WWC2: variants seen among roughly 807,000 people sequenced by gnomAD.
WWC2 encodes the protein WW and C2 domain containing 2.
A neutral mutation model predicts 138.5 loss-of-function variants in WWC2; 101 were observed. That is an observed-to-expected ratio of 0.73 (90% CI 0.62 to 0.86). WWC2 has a LOEUF of 0.86. WWC2 is among the 40% of genes least tolerant of loss of function. The pLI is 0.00. For missense variants in WWC2, 1,420 were observed against 1,419.4 expected (o/e 1.00, Z -0.01); for synonymous variants, 558 against 538.4 (o/e 1.04, Z -0.50).
chr4:183,106,313 G>A (rs1743355524), intron 1 of WWC2, among the ~76,000 whole-genome samples: 3 of 152,104 alleles, frequency 2.0e-5, no homozygotes, highest in Non-Finnish European at 4.4e-5. Context: ...GGCACAGTGT[G>A]TATGTAAGTT....
intron 8 of WWC2, among the ~76,000 whole-genome samples, chr4:183,252,891 C>A (rs75630539): frequency 1.4e-3 from 207 of 152,128 alleles, no homozygotes; most frequent in African/African-American, 4.8e-3. Context: ...TGACTCCCTC[C>A]CAGGGTCTTG....
At chr4:183,220,896 T>C (rs1189565924) in intron 4 of WWC2, among the ~76,000 whole-genome samples, 2 of 149,540 alleles carry the variant, frequency 1.3e-5, no homozygotes, top group Non-Finnish European at 3.0e-5. Flanking sequence ...ATGGAACCAT[T>C]AGAAAAAATT....
At chr4:183,282,612 C>A in intron 17 of WWC2, 96 bp from the exon 18 acceptor site, 1 of 1,226,696 alleles carries the variant, frequency 8.2e-7, no homozygotes, top group Non-Finnish European at 1.2e-6. Context: ...TTGTGTGAGT[C>A]TGTTTATTTC....
rs965797109 is a variant in WWC2 at position 183,099,688 on chromosome 4, C to T, written c.131+66C>T. 11 of 1,175,658 alleles carry T rather than the reference C, an allele frequency of 9.4e-6. No individual in the cohort carries two copies. In the African/African-American group the frequency reaches 1.6e-4, roughly 17 times the overall value. The allele number at this position is 1,175,658 out of a possible 1,614,324, so 72.8% of individuals were successfully genotyped here. On this transcript the variant is annotated intron_variant, in intron 1 of 22. Coordinates refer to ENST00000403733, the MANE Select transcript of WWC2 (RefSeq NM_024949.6). The stretch of plus-strand genomic sequence containing the variant: ...GCGGCTGTTGTCCCGGAGACCCGGC[C>T]GCGCGGGGGGCTGGGGCGGCGCCGG...
At chr4:183,146,033 A>G (rs549721179) in intron 1 of WWC2, among the ~76,000 whole-genome samples, 1 of 152,228 alleles carries the variant, frequency 6.6e-6, no homozygotes, top group African/African-American at 2.4e-5. Context: ...TGGGTATCTC[A>G]TATCGATGGT....
At chr4:183,266,018 G>A (rs1737493662) in intron 14 of WWC2, 67 bp downstream of exon 14, 16 of 1,392,454 alleles carry the variant, frequency 1.1e-5, no homozygotes, top group Non-Finnish European at 1.6e-5. Context: ...ATTTTACACT[G>A]TAATCATACA....
intron 5 of WWC2, among the ~76,000 whole-genome samples, chr4:183,244,001 T>G (rs1736694435): frequency 3.3e-5 from 5 of 152,150 alleles, no homozygotes; most frequent in Admixed American, 3.3e-4. Context: ...AAGATGGCAT[T>G]GCTTTATTTT....
intron 1 of WWC2, among the ~76,000 whole-genome samples, chr4:183,164,747 G>A (rs558926571): frequency 5.9e-5 from 9 of 152,098 alleles, no homozygotes; most frequent in South Asian, 4.2e-4. Context: ...CTTGGGCAGC[G>A]CTTGACTTCT....
chr4:183,105,721 T>C (rs1322390904), intron 1 of WWC2, among the ~76,000 whole-genome samples: 1 of 152,044 alleles, frequency 6.6e-6, no homozygotes, highest in Non-Finnish European at 1.5e-5. Context: ...AAACCCTGTC[T>C]CTACTAAAAA....
intron 3 of WWC2, among the ~76,000 whole-genome samples, chr4:183,208,497 A>G (rs1204702272): frequency 6.6e-6 from 1 of 152,162 alleles, no homozygotes; most frequent in Admixed American, 6.5e-5. Flanking sequence ...GTGGGGAGGA[A>G]CTGGAACTAT....
At chr4:183,267,726 A>G (rs951409651) in intron 14 of WWC2, among the ~76,000 whole-genome samples, 1 of 152,130 alleles carries the variant, frequency 6.6e-6, no homozygotes, top group Non-Finnish European at 1.5e-5. Flanking sequence ...ACTCAGCCCA[A>G]CCAATGAGCA....
intron 4 of WWC2, among the ~76,000 whole-genome samples, chr4:183,213,680 A>C (rs1419077619): frequency 1.3e-5 from 2 of 152,152 alleles, no homozygotes; most frequent in Non-Finnish European, 2.9e-5. Context: ...ACTTCCCGAT[A>C]CCTTATTTTT....
At chr4:183,170,834 A>G (rs1465922604) in intron 1 of WWC2, among the ~76,000 whole-genome samples, 2 of 120,378 alleles carry the variant, frequency 1.7e-5, no homozygotes, top group Admixed American at 1.0e-4. Flanking sequence ...CTGGGACTAC[A>G]CTAGCTAATT....
At chr4:183,128,696 C>G (rs1319294324) in intron 1 of WWC2, among the ~76,000 whole-genome samples, 1 of 152,046 alleles carries the variant, frequency 6.6e-6, no homozygotes. Context: ...ATAATCAGGG[C>G]CAGCGCAATG....
At chr4:183,313,898 A>C (rs575631571) in intron 22 of WWC2, among the ~76,000 whole-genome samples, 1 of 150,842 alleles carries the variant, frequency 6.6e-6, no homozygotes, top group Admixed American at 6.6e-5. Context: ...GGAGCTCAGC[A>C]AAAAGGTTTG....
At chr4:183,190,094 A>G (rs575075395) in intron 1 of WWC2, among the ~76,000 whole-genome samples, 24 of 152,340 alleles carry the variant, frequency 1.6e-4, no homozygotes, top group African/African-American at 5.5e-4. Flanking sequence ...GCAAAGGAAG[A>G]CCTTTTTAAG....
At chr4:183,310,223 C>T (rs1739165048) in intron 21 of WWC2, among the ~76,000 whole-genome samples, 2 of 152,060 alleles carry the variant, frequency 1.3e-5, no homozygotes, top group Non-Finnish European at 2.9e-5. Context: ...AATGAAGTGT[C>T]AATATAAGTT....
intron 1 of WWC2, among the ~76,000 whole-genome samples, chr4:183,121,688 T>G (rs1263769676): frequency 1.3e-5 from 2 of 152,198 alleles, no homozygotes; most frequent in South Asian, 4.1e-4. Flanking sequence ...TAGTTTATAT[T>G]TGTTATAGAT....
At chr4:183,100,386 T>A (rs1370761597) in intron 1 of WWC2, among the ~76,000 whole-genome samples, 1 of 152,256 alleles carries the variant, frequency 6.6e-6, no homozygotes, top group Admixed American at 6.5e-5. Context: ...GTTCAGGAAC[T>A]GAAGGTTCAC....
Sources: gnomAD v4.1 joint callset for allele counts (sites outside exome capture counted in the v4.1 genomes callset) on GRCh38, gnomAD v4.1.1 for gene constraint, MANE v1.5 for transcripts, NCBI Gene and HGNC (gene_info 2026-07-23, HGNC 2026-07-21) for gene names.